The following CACNB1 variants were observed in gnomAD, a reference collection of about 807,000 sequenced individuals.
The protein encoded by CACNB1 is voltage-dependent L-type calcium channel subunit beta-1.
In CACNB1, 29 loss-of-function variants were observed where a neutral mutation model predicts 71.6. That is an observed-to-expected ratio of 0.40 (90% CI 0.30 to 0.55). CACNB1 has a LOEUF of 0.55. CACNB1 is among the 20% of genes least tolerant of loss of function. The probability of loss-of-function intolerance (pLI) is 0.38; values close to 1 mark genes in which losing one functional copy is unlikely to be tolerated. For synonymous variants in CACNB1, 300 were observed against 319.6 expected (o/e 0.94, Z 0.65); for missense variants, 623 against 801.8 (o/e 0.78, Z 2.69).
At position 39,194,770 on chromosome 17, in the gene CACNB1, C is replaced by A; in HGVS notation, c.171+114G>T. 1.4e-6 allele frequency: 1 copy of A among 696,310 alleles called. No homozygotes were observed. The highest frequency in any genetic ancestry group is 1.8e-5 in the South Asian group (1 of 56,498). 43.1% of individuals were successfully genotyped at this position (696,310 alleles called of 1,614,324 possible). ...GTCAGGGTGATGGGGTGGCTCCAGG[C>A]AGGTGACAAATGGCACAGGGAAGGG... On this transcript the variant is annotated intron_variant, in intron 2 of 13. Transcript: ENST00000394303. This position sits in a 1 kb window ranked among gnomAD's most constrained non-coding sequence, Gnocchi z 4.6.
intron 11 of CACNB1, among the ~76,000 whole-genome samples, chr17:39,182,616 C>T (rs1177897900): frequency 6.6e-6 from 1 of 151,334 alleles, no homozygotes; most frequent in Non-Finnish European, 1.5e-5. Flanking sequence ...GCAGGAGAAT[C>T]GCTTGAACCT....
chr17:39,191,608 A>C lies in CACNB1; in HGVS notation c.172-15T>G. Reference sequence around the variant, plus strand: ...TCCGCTGAGCCCTGAAAATAGAGAGAGCCAGATCAGGGCCATTGCTGCCCC... The same window carrying C: ...TCCGCTGAGCCCTGAAAATAGAGAGCGCCAGATCAGGGCCATTGCTGCCCC... On this transcript the variant is annotated splice_polypyrimidine_tract_variant and intron_variant, in intron 2 of 13. Coordinates refer to ENST00000394303, the MANE Select transcript of CACNB1 (RefSeq NM_000723.5). 3.1e-6 allele frequency: 5 copies of C among 1,607,504 alleles called. No individual in the cohort carries two copies. The highest frequency in any genetic ancestry group is 4.2e-6 in the Non-Finnish European group (5 of 1,177,828).
chr17:39,180,608 T>C (rs2144102727), intron 11 of CACNB1, among the ~76,000 whole-genome samples: 1 of 151,988 alleles, frequency 6.6e-6, no homozygotes, highest in African/African-American at 2.4e-5. Flanking sequence ...TGAGCCAATA[T>C]TGTACCACTG....
chr17:39,197,551 A>T lies in CACNB1; in HGVS notation c.-56T>A. Reference sequence around the variant, plus strand: ...CGGCCCAGCCGGGCTCCCTCAGCGCATGGGAGAGGCCGTGGGAGCCGAAAG... The same window carrying T: ...CGGCCCAGCCGGGCTCCCTCAGCGCTTGGGAGAGGCCGTGGGAGCCGAAAG... On this transcript the variant is annotated 5_prime_UTR_variant, in exon 1 of 14. The change abolishes an upstream ATG in the 5' untranslated region. Transcript: ENST00000394303. 3 of 1,337,020 alleles carry T rather than the reference A, an allele frequency of 2.2e-6. No homozygotes were observed. The highest frequency in any genetic ancestry group is 1.4e-5 in the South Asian group (1 of 71,074). The allele number at this position is 1,337,020 out of a possible 1,614,324, so 82.8% of individuals were successfully genotyped here.
At chr17:39,193,541 G>A in intron 2 of CACNB1, 1 of 423,326 alleles carries the variant, frequency 2.4e-6, no homozygotes, top group South Asian at 1.7e-5. Context: ...CCGTTCCCTT[G>A]GGGGCTCGGG....
Position 39,183,815 on chromosome 17 carries a change from A to C in CACNB1, c.948T>G (p.Leu316=). 6.2e-7 allele frequency: 1 copy of C among 1,614,062 alleles called. No individual in the cohort carries two copies. The highest frequency in any genetic ancestry group is 8.5e-7 in the Non-Finnish European group (1 of 1,180,004). The change falls in exon 11 of 14, where the codon CTT becomes CTG. Residue 316 remains leucine (L), a synonymous_variant. Transcript: ENST00000394303. The stretch of plus-strand genomic sequence containing the variant: ...TGTCAGCATCCAGAGCGACCAACTG[A>C]AGGGTCCGGGCCAGCTCGAAGATTC... The part of the protein sequence containing the change: ...IERIFELART[L]QLVALDADTI...
rs527711893 is a variant in CACNB1 at position 39,181,038 on chromosome 17, C to A, written c.1050+2675G>T. Among the ~76,000 whole-genome samples the A allele has an allele frequency of 1.4e-3, 215 of 152,234 alleles. 1 individual carries two copies. The highest frequency in any genetic ancestry group is 2.1e-3 in the Non-Finnish European group (145 of 68,024). ...TCTGAAATTATTTGAAAATGAAAAT[C>A]TTCTTACAAAATGGAACAGATATAG... is the stretch of plus-strand genomic sequence containing the variant. On this transcript the variant is annotated intron_variant, in intron 11 of 13. Transcript: ENST00000394303.
intron 11 of CACNB1, among the ~76,000 whole-genome samples, chr17:39,180,276 A>AT (rs1023152542): frequency 6.6e-6 from 1 of 151,264 alleles, no homozygotes; most frequent in African/African-American, 2.5e-5. Flanking sequence ...AAAAAAAAAA[A>AT]CCAAATATGG....
Position 39,186,480 on chromosome 17 carries a change from T to A in CACNB1, c.628+16A>T. ...AGGAGCTTCTTCCCAAACCCCTGCA[T>A]GGCGATGGCTCTTACCACTGGCAGG... On this transcript the variant is annotated intron_variant, in intron 6 of 13. Coordinates refer to ENST00000394303, the MANE Select transcript of CACNB1 (RefSeq NM_000723.5). The surrounding 1 kb of genome is among the most constrained non-coding windows in gnomAD (Gnocchi z 4.1). 6.2e-7 allele frequency: 1 copy of A among 1,604,496 alleles called. No homozygotes were observed. The highest frequency in any genetic ancestry group is 8.5e-7 in the Non-Finnish European group (1 of 1,173,016).
intron 4 of CACNB1, 181 bp from the exon 5 acceptor site, chr17:39,187,110 G>T: frequency 1.5e-6 from 1 of 651,084 alleles, no homozygotes; most frequent in Non-Finnish European, 2.6e-6. Context: ...ACAACTCCAG[G>T]ACCAGCATGC....
At position 39,184,884 on chromosome 17, in the gene CACNB1, G is replaced by A. The variant is rs996564968; in HGVS notation, c.649-20C>T. 8.1e-6 allele frequency: 12 copies of A among 1,474,104 alleles called. No homozygotes were observed. Among genetic ancestry groups the A allele is most frequent in the Non-Finnish European group, 1.0e-5 (11 of 1,052,470 alleles). 91.3% of individuals were successfully genotyped at this position (1,474,104 alleles called of 1,614,324 possible). A position where few individuals can be genotyped will look rare whatever the true frequency, so the allele number is the denominator to read the frequency against. On this transcript the variant is annotated intron_variant, in intron 7 of 13. Coordinates refer to ENST00000394303, the MANE Select transcript of CACNB1 (RefSeq NM_000723.5). The stretch of plus-strand genomic sequence containing the variant: ...CTCTGTCTGGGGGGGGAAGCAGGGA[G>A]GGGAAACCCCAGAGTGGAGATGACA...
At chr17:39,191,161 G>GCA (rs2046069870) in intron 3 of CACNB1, among the ~76,000 whole-genome samples, 1 of 152,084 alleles carries the variant, frequency 6.6e-6, no homozygotes. Context: ...CCGAGATCAT[G>GCA]CCACTGCACT....
rs16528 is a variant in CACNB1, at chr17:39,192,196, C to T, written c.172-603G>A. ...TACTTACAGCCCCAGTCCTCAGGCT[C>T]TCCTAGGACACAAGAGAACCCAAGA... On this transcript the variant is annotated intron_variant, in intron 2 of 13. Coordinates refer to ENST00000394303, the MANE Select transcript of CACNB1 (RefSeq NM_000723.5). The T allele has an allele frequency of 6.1e-4, 94 of 155,100 alleles. No homozygotes were observed. In the East Asian group the frequency reaches 0.017, roughly 27 times the overall value. The allele number at this position is 155,100 out of a possible 1,614,324, so 9.6% of individuals were successfully genotyped here. A position where few individuals can be genotyped will look rare whatever the true frequency, so the allele number is the denominator to read the frequency against.
rs576867891 is a variant in CACNB1, at chr17:39,196,993, C to T, written c.84+419G>A. Among the ~76,000 whole-genome samples the T allele has an allele frequency of 1.8e-4, 27 of 152,202 alleles. No individual in the cohort carries two copies. In the South Asian group the frequency reaches 5.6e-3, roughly 32 times the overall value. ...GCCTCGGCCACCTCCTCGTGCCACC[C>T]CCGCCCCACCCACACCCGCCTGGCG... is the stretch of plus-strand genomic sequence containing the variant. On this transcript the variant is annotated intron_variant, in intron 1 of 13. Transcript: ENST00000394303.
chr17:39,188,290 A>T lies in CACNB1; in HGVS notation c.292-689T>A, dbSNP rs143485578. On this transcript the variant is annotated intron_variant, in intron 3 of 13. Transcript: ENST00000394303. ...GGAGCAAGACTCTGTCTAAAAAAAA[A>T]AAAGTCTGGGCGTGGTGGCTCACGC... 2.9e-3 allele frequency among the ~76,000 whole-genome samples: 445 copies of T among 152,142 alleles called. 7 individuals are homozygous for T. The East Asian group carries it at 0.05, about 17-fold the overall frequency.
rs2045546498 is a variant in CACNB1 at position 39,175,254 on chromosome 17, G to A, written c.1736C>T (p.Pro579Leu). ...KARYCAEGGGPVLGRNKNELE... is the reference protein window; with the variant it reads ...KARYCAEGGGLVLGRNKNELE... ...CTCATTCTTGTTGCGCCCCAAAACTGGACCCCCACCCTCAGCGCAGTAGCG... is the reference window on the plus strand; with the variant it reads ...CTCATTCTTGTTGCGCCCCAAAACTAGACCCCCACCCTCAGCGCAGTAGCG... Residue 579 changes from proline to leucine, a missense_variant, in exon 14 of 14, where the codon CCA becomes CTA. Coordinates refer to ENST00000394303, the MANE Select transcript of CACNB1 (RefSeq NM_000723.5). The surrounding 1 kb of genome is among the most constrained non-coding windows in gnomAD (Gnocchi z 4.7). 1.2e-6 allele frequency: 2 copies of A among 1,614,032 alleles called. No homozygotes were observed. Among genetic ancestry groups the A allele is most frequent in the Non-Finnish European group, 1.7e-6 (2 of 1,179,996 alleles).
intron 9 of CACNB1, 33 bp from the exon 10 acceptor site, chr17:39,184,173 C>G: frequency 6.9e-7 from 1 of 1,446,892 alleles, no homozygotes; most frequent in Non-Finnish European, 9.7e-7. Context: ...AGTCAGGGGT[C>G]AGGGTGGGCT....
intron 11 of CACNB1, among the ~76,000 whole-genome samples, chr17:39,181,152 G>A (rs533057329): frequency 1.8e-4 from 27 of 152,174 alleles, no homozygotes; most frequent in African/African-American, 6.5e-4. Flanking sequence ...GGAGTGCAGT[G>A]ATGCAATCTC....
In CACNB1 at chr17:39,181,929, G is replaced by A. The variant is rs531644025; in HGVS notation, c.1050+1784C>T. On this transcript the variant is annotated intron_variant, in intron 11 of 13. Transcript: ENST00000394303. ...TGTAATCCTAGAACTTTGGGAGGCC[G>A]AGGCCGGTGGATCACGAGGTCAGGA... Among the ~76,000 whole-genome samples, 419 of 152,232 alleles carry A rather than the reference G, an allele frequency of 2.8e-3. 1 individual carries two copies. The highest frequency in any genetic ancestry group is 9.7e-3 in the African/African-American group (403 of 41,534).
Sources: gnomAD v4.1 joint callset for allele counts (sites outside exome capture counted in the v4.1 genomes callset) on GRCh38, gnomAD v4.1.1 for gene constraint, Gnocchi (gnomAD v3.1) non-coding constraint, MANE v1.5 for transcripts, NCBI Gene and HGNC (gene_info 2026-07-23, HGNC 2026-07-21) for gene names.